FAM135B: variants seen among roughly 807,000 people sequenced by gnomAD.
FAM135B encodes the protein family with sequence similarity 135 member B.
FAM135B carries 43 observed loss-of-function variants against 127.7 expected under a neutral mutation model. That is an observed-to-expected ratio of 0.34 (90% CI 0.26 to 0.43). FAM135B has a LOEUF of 0.43. FAM135B is among the 20% of genes least tolerant of loss of function. The pLI, the probability that FAM135B is intolerant of heterozygous loss-of-function variation, is 1.00. For synonymous variants in FAM135B, 670 were observed against 665.1 expected, an observed-to-expected ratio of 1.01 and a Z score of -0.11; for missense variants, 1,558 against 1,725.6, an observed-to-expected ratio of 0.90 and a Z score of 1.72.
At chr8:138,277,210 C>A (rs937110889) in intron 3 of FAM135B, among the ~76,000 whole-genome samples, 1 of 152,174 alleles carries the variant, frequency 6.6e-6, no homozygotes, top group African/African-American at 2.4e-5. Flanking sequence ...GAGGCTCTTG[C>A]AGCTGACATT....
intron 1 of FAM135B, chr8:138,437,460 C>A (rs550658142): frequency 2.0e-5 from 3 of 152,284 alleles, no homozygotes; most frequent in Non-Finnish European, 2.9e-5. Flanking sequence ...TCACTCGATA[C>A]CTCTCCTTCC....
chr8:138,147,456 C>A (rs188043165), intron 14 of FAM135B, among the ~76,000 whole-genome samples: 5 of 152,036 alleles, frequency 3.3e-5, no homozygotes, highest in Non-Finnish European at 7.4e-5. Flanking sequence ...TATAAGAATA[C>A]GAATCTTGAG....
At chr8:138,258,800 A>ATAC (rs1822305641) in intron 4 of FAM135B, among the ~76,000 whole-genome samples, 1 of 47,412 alleles carries the variant, frequency 2.1e-5, no homozygotes, top group Non-Finnish European at 3.8e-5. Context: ...AAAGACACAC[A>ATAC]CACCACACAC....
At chr8:138,492,105 G>A (rs145029192) in intron 1 of FAM135B, among the ~76,000 whole-genome samples, 621 of 152,270 alleles carry the variant, frequency 4.1e-3, no homozygotes, top group African/African-American at 0.014. Context: ...CTCTCTGGCT[G>A]CCTTGTGCAC....
chr8:138,215,427 C>T (rs533244226), intron 7 of FAM135B, among the ~76,000 whole-genome samples: 2 of 152,172 alleles, frequency 1.3e-5, no homozygotes, highest in South Asian at 2.1e-4. Flanking sequence ...GAGCCATTTC[C>T]CTTATATCTA....
chr8:138,271,122 G>A (rs1823341129), intron 3 of FAM135B, among the ~76,000 whole-genome samples: 1 of 152,168 alleles, frequency 6.6e-6, no homozygotes, highest in Non-Finnish European at 1.5e-5. Flanking sequence ...CATGGGAAAA[G>A]TAAGTGGCAT....
intron 7 of FAM135B, among the ~76,000 whole-genome samples, chr8:138,227,714 C>CTTTT (rs761660500): frequency 5.9e-4 from 48 of 81,736 alleles, no homozygotes; most frequent in Middle Eastern, 8.3e-3. Flanking sequence ...TTTTGTCTCT[C>CTTTT]TTTTTTTTTT....
chr8:138,389,107 T>C (rs772786115), intron 1 of FAM135B, among the ~76,000 whole-genome samples: 9 of 152,156 alleles, frequency 5.9e-5, no homozygotes, highest in Non-Finnish European at 1.2e-4. Context: ...CAATGAGATA[T>C]CACTTCATAG....
chr8:138,399,989 C>G (rs1833065934), intron 1 of FAM135B, among the ~76,000 whole-genome samples: 1 of 152,222 alleles, frequency 6.6e-6, no homozygotes, highest in African/African-American at 2.4e-5. Flanking sequence ...TATATATCGT[C>G]ATCCTTTGAA....
chr8:138,142,619 C>A (rs1324372444), intron 16 of FAM135B, among the ~76,000 whole-genome samples: 2 of 151,992 alleles, frequency 1.3e-5, no homozygotes, highest in African/African-American at 4.8e-5. Context: ...CAAACATCAT[C>A]TCAGTGCTAG....
chr8:138,133,867 G>T (rs185141201), intron 19 of FAM135B, among the ~76,000 whole-genome samples: 5 of 152,212 alleles, frequency 3.3e-5, no homozygotes, highest in Non-Finnish European at 5.9e-5. Flanking sequence ...TATGTATTTG[G>T]GGGTGTTTCT....
intron 1 of FAM135B, among the ~76,000 whole-genome samples, chr8:138,480,320 G>T (rs1211809080): frequency 1.3e-5 from 2 of 152,194 alleles, no homozygotes; most frequent in Admixed American, 6.5e-5. Flanking sequence ...CTCAAAGTTA[G>T]TTATTTTGAT....
In FAM135B at chr8:138,241,857, C is replaced by G. The variant is rs916194512; in HGVS notation, c.669+1085G>C. The stretch of plus-strand genomic sequence containing the variant: ...GGATGAACTGGTCAATTGAATAAAG[C>G]AGATAGCCCTCTCCAACATGAATAG... On this transcript the variant is annotated intron_variant, in intron 7 of 19. Transcript: ENST00000395297. This position sits in a 1 kb window ranked among gnomAD's most constrained non-coding sequence, Gnocchi z 4.8. 4.6e-5 allele frequency among the ~76,000 whole-genome samples: 7 copies of G among 152,134 alleles called. No homozygotes were observed. Among genetic ancestry groups the G allele is most frequent in the Non-Finnish European group, 1.0e-4 (7 of 68,024 alleles).
At chr8:138,137,833 T>A (rs1250015740) in intron 18 of FAM135B, among the ~76,000 whole-genome samples, 1 of 152,112 alleles carries the variant, frequency 6.6e-6, no homozygotes, top group East Asian at 1.9e-4. Flanking sequence ...AACATCACAG[T>A]GTATCCCTGC....
At chr8:138,245,470 T>C (rs1040648862) in intron 6 of FAM135B, among the ~76,000 whole-genome samples, 1 of 152,066 alleles carries the variant, frequency 6.6e-6, no homozygotes, top group African/African-American at 2.4e-5. Flanking sequence ...ATCTGATGGT[T>C]TTATAAGGGG....
At chr8:138,183,520 C>T (rs369062854) in intron 9 of FAM135B, among the ~76,000 whole-genome samples, 10 of 152,306 alleles carry the variant, frequency 6.6e-5, no homozygotes, top group East Asian at 1.9e-4. Flanking sequence ...TATTTGCAGA[C>T]GACAGGAGGA....
At chr8:138,369,968 G>C (rs1437195183) in intron 1 of FAM135B, among the ~76,000 whole-genome samples, 2 of 152,140 alleles carry the variant, frequency 1.3e-5, no homozygotes, top group East Asian at 3.9e-4. Flanking sequence ...GAGACAAAGG[G>C]AGAGCAGGAA....
chr8:138,283,257 C>A (rs1476090683), intron 3 of FAM135B, among the ~76,000 whole-genome samples: 1 of 151,974 alleles, frequency 6.6e-6, no homozygotes, highest in African/African-American at 2.4e-5. Flanking sequence ...TACGTCCATA[C>A]AATGGAATAT....
intron 2 of FAM135B, among the ~76,000 whole-genome samples, chr8:138,332,902 T>G (rs1426480007): frequency 6.6e-6 from 1 of 152,046 alleles, no homozygotes; most frequent in Non-Finnish European, 1.5e-5. Flanking sequence ...TTGGGTGTTT[T>G]GTGCTGAGAG....
Sources: gnomAD v4.1 joint callset for allele counts (sites outside exome capture counted in the v4.1 genomes callset) on GRCh38, gnomAD v4.1.1 for gene constraint, Gnocchi (gnomAD v3.1) non-coding constraint, MANE v1.5 for transcripts, NCBI Gene and HGNC (gene_info 2026-07-23, HGNC 2026-07-21) for gene names.